VGLL3: variants seen among roughly 807,000 people sequenced by gnomAD.
VGLL3 encodes transcription cofactor vestigial-like protein 3.
A neutral mutation model predicts 29.2 loss-of-function variants in VGLL3; 18 were observed. The observed-to-expected ratio is 0.62, with a 90% CI of 0.43 to 0.91. The LOEUF (loss-of-function observed/expected upper bound fraction) is 0.91. VGLL3 is among the 40% of genes least tolerant of loss of function. The probability of loss-of-function intolerance (pLI) is 0.00; values close to 1 mark genes in which losing one functional copy is unlikely to be tolerated. For missense variants in VGLL3, 440 were observed against 413.2 expected, an observed-to-expected ratio of 1.06 and a Z score of -0.56; for synonymous variants, 180 against 151.8, an observed-to-expected ratio of 1.19 and a Z score of -1.36.
chr3:86,979,031 A>C (rs1705270754), intron 1 of VGLL3, among the ~76,000 whole-genome samples: 1 of 152,232 alleles, frequency 6.6e-6, no homozygotes, highest in Non-Finnish European at 1.5e-5. Flanking sequence ...GCAAACGAAC[A>C]TAAAAGCCCA....
intron 1 of VGLL3, among the ~76,000 whole-genome samples, chr3:86,981,779 A>G (rs548742702): frequency 1.3e-5 from 2 of 152,272 alleles, no homozygotes; most frequent in African/African-American, 4.8e-5. Context: ...ATTTTTTTTC[A>G]GATAAAGTTA....
intron 2 of VGLL3, among the ~76,000 whole-genome samples, chr3:86,977,476 A>G (rs1415092096): frequency 6.6e-6 from 1 of 152,182 alleles, no homozygotes; most frequent in African/African-American, 2.4e-5. Flanking sequence ...AGCCCTTGTT[A>G]AAGTGTGATT....
chr3:86,969,228 G>T, intron 2 of VGLL3, 105 bp from the exon 3 acceptor site: 1 of 1,359,000 alleles, frequency 7.4e-7, no homozygotes, highest in Non-Finnish European at 9.8e-7. Context: ...TTTACAAGCA[G>T]TCAAATTAGC....
At position 86,968,039 on chromosome 3, in the gene VGLL3, G is replaced by T. The variant is rs528596142; in HGVS notation, c.937+551C>A. ...GAGAAAAGAAGGAAAGGCAAAGGAG[G>T]ATAAAGTCAGGGAACGGAGGGCAGA... is the stretch of plus-strand genomic sequence containing the variant. On this transcript the variant is annotated intron_variant, in intron 3 of 3. Transcript: ENST00000398399. Among the ~76,000 whole-genome samples the T allele has an allele frequency of 2.0e-5, 3 of 152,146 alleles. No individual in the cohort carries two copies. In the South Asian group the frequency reaches 6.2e-4, roughly 32 times the overall value.
At position 86,945,675 on chromosome 3, in the gene VGLL3, C is replaced by A. The variant is rs1202243869; in HGVS notation, c.*1349G>T. The A allele has an allele frequency of 1.3e-5, 2 of 151,988 alleles. No individual in the cohort carries two copies. The highest frequency in any genetic ancestry group is 4.8e-5 in the African/African-American group (2 of 41,408). 9.4% of individuals were successfully genotyped at this position (151,988 alleles called of 1,614,324 possible). A position where few individuals can be genotyped will look rare whatever the true frequency, so the allele number is the denominator to read the frequency against. Reference sequence around the variant, plus strand: ...ATCCTCAAATTTTTAATTTTTAGCCCAATTTAAATTGTATATAACCTCTGG... The same window carrying A: ...ATCCTCAAATTTTTAATTTTTAGCCAAATTTAAATTGTATATAACCTCTGG... On this transcript the variant is annotated 3_prime_UTR_variant, in exon 4 of 4. Coordinates refer to ENST00000398399, the MANE Select transcript of VGLL3 (RefSeq NM_016206.4).
Position 86,990,635 on chromosome 3 carries a change from G to T in VGLL3, c.109C>A (p.Pro37Thr), listed in dbSNP as rs201606533. ...TGACTCACCTGCTGGCCAGGTTGGG[G>T]CGCCGGCTGATAGTAGGCTGTGGGG... ...TCPTAYYQPA[P>T]QPGQQKKLAV... The change falls in exon 1 of 4, where the codon CCC becomes ACC. Residue 37 changes from proline (P) to threonine (T), a missense_variant. Pro to Thr is a conservative substitution (Grantham distance 38, BLOSUM62 -1). Transcript: ENST00000398399. The T allele has an allele frequency of 1.1e-4, 156 of 1,367,144 alleles. 1 individual carries two copies. In the East Asian group the frequency reaches 3.8e-3, roughly 33 times the overall value. The allele number at this position is 1,367,144 out of a possible 1,614,324, so 84.7% of individuals were successfully genotyped here. A position where few individuals can be genotyped will look rare whatever the true frequency, so the allele number is the denominator to read the frequency against.
chr3:86,983,978 A>C (rs967908978), intron 1 of VGLL3, among the ~76,000 whole-genome samples: 6 of 152,208 alleles, frequency 3.9e-5, no homozygotes, highest in Non-Finnish European at 7.3e-5. Flanking sequence ...GTACCCAGAA[A>C]ATAGACTAAA....
chr3:86,970,901 A>AG (rs370179100), intron 2 of VGLL3, among the ~76,000 whole-genome samples: 24 of 152,208 alleles, frequency 1.6e-4, no homozygotes, highest in African/African-American at 5.8e-4. Flanking sequence ...TTCACTAAGA[A>AG]AATGAAGTAT....
intron 3 of VGLL3, among the ~76,000 whole-genome samples, chr3:86,961,112 T>A (rs1704829899): frequency 6.6e-6 from 1 of 151,966 alleles, no homozygotes; most frequent in South Asian, 2.1e-4. Context: ...TAGATATTTA[T>A]AACAAAATTG....
In VGLL3 at chr3:86,968,933, G is replaced by T; in HGVS notation, c.594C>A (p.Ala198=). 6 of 1,614,150 alleles carry T rather than the reference G, an allele frequency of 3.7e-6. No homozygotes were observed. The highest frequency in any genetic ancestry group is 5.1e-6 in the Non-Finnish European group (6 of 1,180,028). The change falls in exon 3 of 4, where the codon GCC becomes GCA. Residue 198 remains alanine (A), a synonymous_variant. Coordinates refer to ENST00000398399, the MANE Select transcript of VGLL3 (RefSeq NM_016206.4). ...AGGACTCAGACACAGCAGGGGGAGG[G>T]GCTGGGCCAGTCTGATGCAGGTTGT... ...PGHNLHQTGP[A]PPPAVSESWP... is the part of the protein sequence containing the mutation.
At chr3:86,954,509 G>T (rs1401956729) in intron 3 of VGLL3, among the ~76,000 whole-genome samples, 1 of 152,084 alleles carries the variant, frequency 6.6e-6, no homozygotes, top group East Asian at 1.9e-4. Flanking sequence ...ATAGCTGGAG[G>T]GTAAATTGGC....
In VGLL3 at chr3:86,947,606, T is replaced by C. The variant is rs530407721; in HGVS notation, c.938-539A>G. Among the ~76,000 whole-genome samples the C allele has an allele frequency of 1.2e-4, 18 of 152,272 alleles. No homozygotes were observed. In the South Asian group the frequency reaches 3.7e-3, roughly 32 times the overall value. On this transcript the variant is annotated intron_variant, in intron 3 of 3. Coordinates refer to ENST00000398399, the MANE Select transcript of VGLL3 (RefSeq NM_016206.4). ...ACTGAGTCTACTATAGTCAGTAAAATAAACACAGTTGGTTCATAACTAACA... is the reference window on the plus strand; with the variant it reads ...ACTGAGTCTACTATAGTCAGTAAAACAAACACAGTTGGTTCATAACTAACA...
chr3:86,940,190 A>G lies in VGLL3; in HGVS notation c.*6834T>C, dbSNP rs1704363787. The G allele has an allele frequency of 6.6e-6, 1 of 152,208 alleles. No individual in the cohort carries two copies. The highest frequency in any genetic ancestry group is 1.5e-5 in the Non-Finnish European group (1 of 68,040). 9.4% of individuals were successfully genotyped at this position (152,208 alleles called of 1,614,324 possible). On this transcript the variant is annotated 3_prime_UTR_variant, in exon 4 of 4. Coordinates refer to ENST00000398399, the MANE Select transcript of VGLL3 (RefSeq NM_016206.4). ...AAGAAAATTGAAGGCCCACTTAGAG[A>G]AACTCTAGCTTTCTTCAGAATACAA...
intron 3 of VGLL3, among the ~76,000 whole-genome samples, chr3:86,948,365 CTAT>C (rs1261241047): frequency 2.6e-5 from 4 of 152,044 alleles, no homozygotes; most frequent in African/African-American, 9.7e-5. Context: ...CAAAGTTTTT[CTAT>C]TATTAAACAA....
At chr3:86,954,381 C>A (rs1338523360) in intron 3 of VGLL3, among the ~76,000 whole-genome samples, 1 of 152,158 alleles carries the variant, frequency 6.6e-6, no homozygotes, top group African/African-American at 2.4e-5. Context: ...CCACTTTATT[C>A]TGTTTGCTCT....
At chr3:86,973,156 A>G (rs563011346) in intron 2 of VGLL3, among the ~76,000 whole-genome samples, 145 of 152,182 alleles carry the variant, frequency 9.5e-4, no homozygotes, top group Non-Finnish European at 1.8e-3. Flanking sequence ...TTCAAAATTT[A>G]AAGAATGATA....
chr3:86,955,810 C>T (rs918466775), intron 3 of VGLL3, among the ~76,000 whole-genome samples: 1 of 152,118 alleles, frequency 6.6e-6, no homozygotes, highest in Non-Finnish European at 1.5e-5. Context: ...TAAGCATCAC[C>T]TAATAGTGCT....
intron 1 of VGLL3, among the ~76,000 whole-genome samples, chr3:86,987,256 T>C (rs983049542): frequency 1.3e-5 from 2 of 152,196 alleles, no homozygotes; most frequent in Admixed American, 6.5e-5. Context: ...AGAACAATTT[T>C]ATGACTCAAC....
intron 1 of VGLL3, among the ~76,000 whole-genome samples, chr3:86,987,535 T>C (rs1388493316): frequency 6.6e-6 from 1 of 152,192 alleles, no homozygotes; most frequent in Non-Finnish European, 1.5e-5. Context: ...TTTGACAGCA[T>C]GTGCTGAGAG....
Sources: gnomAD v4.1 joint callset for allele counts (sites outside exome capture counted in the v4.1 genomes callset) on GRCh38, gnomAD v4.1.1 for gene constraint, MANE v1.5 for transcripts, NCBI Gene and HGNC (gene_info 2026-07-23, HGNC 2026-07-21) for gene names.